Variants in NFATC3 observed in about 807,000 individuals in gnomAD.
The protein encoded by NFATC3 is nuclear factor of activated T cells 3.
NFATC3 carries 46 observed loss-of-function variants against 98.6 expected under a neutral mutation model. That is an observed-to-expected ratio of 0.47 (90% CI 0.37 to 0.60). The LOEUF (loss-of-function observed/expected upper bound fraction) is 0.60, where lower values mean the gene tolerates loss of function less well. NFATC3 is among the 20% of genes least tolerant of loss of function. The probability of loss-of-function intolerance (pLI) is 0.00; values close to 1 mark genes in which losing one functional copy is unlikely to be tolerated. For missense variants in NFATC3, 1,256 were observed against 1,295.5 expected (o/e 0.97, Z 0.47); for synonymous variants, 512 against 472.2 (o/e 1.08, Z -1.09).
intron 1 of NFATC3, among the ~76,000 whole-genome samples, chr16:68,098,961 A>C (rs2035191643): frequency 6.6e-6 from 1 of 152,244 alleles, no homozygotes; most frequent in African/African-American, 2.4e-5. Context: ...AGTTTCTCCC[A>C]ACGATAACAT....
intron 9 of NFATC3, chr16:68,214,363 A>G: frequency 6.2e-7 from 1 of 1,614,230 alleles, no homozygotes; most frequent in Non-Finnish European, 8.5e-7. Flanking sequence ...ACCAGCCATC[A>G]GGTTCAGCAG....
At chr16:68,205,407 A>G (rs1489977356) in intron 9 of NFATC3, among the ~76,000 whole-genome samples, 1 of 151,918 alleles carries the variant, frequency 6.6e-6, no homozygotes, top group East Asian at 1.9e-4. Context: ...CTGCCACCAC[A>G]TCCGGCTAAT....
chr16:68,192,043 C>T, intron 9 of NFATC3: 2 of 309,298 alleles, frequency 6.5e-6, no homozygotes, highest in Non-Finnish European at 1.2e-5. Flanking sequence ...GCTGTCTCTA[C>T]TAAAAATACA....
intron 1 of NFATC3, among the ~76,000 whole-genome samples, chr16:68,106,239 C>G (rs1043565009): frequency 6.6e-6 from 1 of 151,908 alleles, no homozygotes; most frequent in African/African-American, 2.4e-5. Context: ...GTAATACATT[C>G]TAACAAAATC....
chr16:68,215,722 CTTTTT>C (rs35024337), intron 9 of NFATC3, among the ~76,000 whole-genome samples: 5 of 96,038 alleles, frequency 5.2e-5, no homozygotes, highest in Non-Finnish European at 1.0e-4. Context: ...GAGATTTGCA[CTTTTT>C]TTTTTTTTTT....
intron 3 of NFATC3, among the ~76,000 whole-genome samples, chr16:68,133,459 A>G (rs2037221586): frequency 6.6e-6 from 1 of 152,234 alleles, no homozygotes; most frequent in Non-Finnish European, 1.5e-5. Flanking sequence ...ATATATCAAT[A>G]AAGTATACAA....
In NFATC3 at chr16:68,190,816, C is replaced by T. The variant is rs1567541623; in HGVS notation, c.2147C>T (p.Pro716Leu). Residue 716 changes from proline to leucine, a missense_variant, in exon 9 of 10, where the codon CCA becomes CTA. By Grantham distance (98) the Pro-to-Leu change is moderately conservative. This residue lies in a region of NFATC3 where 636 missense variants were observed against 617.3 expected (regional missense o/e 1.03). Coordinates refer to ENST00000346183, the MANE Select transcript of NFATC3 (RefSeq NM_173165.3). ...HREEIDLSSV[P>L]SLPVPHPAQT... is the part of the protein sequence containing the mutation. ...GAAGAGATTGATTTGTCTTCAGTTC[C>T]ATCTTTGCCTGTGCCTCATCCTGCT... is the stretch of plus-strand genomic sequence containing the variant. The T allele has an allele frequency of 6.2e-7, 1 of 1,612,870 alleles. No individual in the cohort carries two copies. Among genetic ancestry groups the T allele is most frequent in the Middle Eastern group, 1.7e-4 (1 of 6,056 alleles).
rs566334892 is a variant in NFATC3, at chr16:68,160,347, C to T, written c.1601+2279C>T. On this transcript the variant is annotated intron_variant, in intron 4 of 9. Coordinates refer to ENST00000346183, the MANE Select transcript of NFATC3 (RefSeq NM_173165.3). The stretch of plus-strand genomic sequence containing the variant: ...TGGGCATAGTTGTCCTGTCTGTAGT[C>T]CCAGCTGCTCAGGAGGCTGAGGCTT... Among the ~76,000 whole-genome samples, 7 of 152,060 alleles carry T rather than the reference C, an allele frequency of 4.6e-5. No individual in the cohort carries two copies. In the South Asian group the frequency reaches 1.2e-3, roughly 27 times the overall value.
At chr16:68,136,725 A>G (rs1025748503) in intron 3 of NFATC3, among the ~76,000 whole-genome samples, 4 of 152,112 alleles carry the variant, frequency 2.6e-5, no homozygotes, top group Non-Finnish European at 5.9e-5. Context: ...ACAAACCTAG[A>G]TGGTATACCC....
At chr16:68,135,828 C>G (rs928338108) in intron 3 of NFATC3, among the ~76,000 whole-genome samples, 1 of 151,938 alleles carries the variant, frequency 6.6e-6, no homozygotes, top group African/African-American at 2.4e-5. Context: ...TTTGGGAGGC[C>G]GAGGCAGGTG....
intron 5 of NFATC3, 57 bp from the exon 6 acceptor site, chr16:68,174,316 CA>C (rs2039593826): frequency 7.8e-7 from 1 of 1,279,768 alleles, no homozygotes; most frequent in Non-Finnish European, 1.0e-6. Flanking sequence ...ATTTATGTAT[CA>C]AAGATTTTTA....
At chr16:68,140,578 A>G (rs1208043043) in intron 3 of NFATC3, among the ~76,000 whole-genome samples, 1 of 152,230 alleles carries the variant, frequency 6.6e-6, no homozygotes, top group Non-Finnish European at 1.5e-5. Context: ...GCAACTGGAT[A>G]TCCGTAGGCA....
intron 1 of NFATC3, among the ~76,000 whole-genome samples, chr16:68,104,388 T>C (rs756633525): frequency 2.0e-5 from 3 of 152,216 alleles, no homozygotes; most frequent in African/African-American, 4.8e-5. Flanking sequence ...CCTGCACCTT[T>C]AATGAATTCA....
chr16:68,179,125 C>T (rs557448519), intron 6 of NFATC3, among the ~76,000 whole-genome samples: 51 of 152,280 alleles, frequency 3.3e-4, no homozygotes, highest in African/African-American at 1.2e-3. Flanking sequence ...ACCCTTTCCT[C>T]ATATTATGAG....
rs899176239 is a variant in NFATC3, at chr16:68,228,105, G to A, written c.*1634G>A. The A allele has an allele frequency of 1.3e-5, 2 of 152,136 alleles. No individual in the cohort carries two copies. The highest frequency in any genetic ancestry group is 2.9e-5 in the Non-Finnish European group (2 of 68,036). The allele number at this position is 152,136 out of a possible 1,614,324, so 9.4% of individuals were successfully genotyped here. A position where few individuals can be genotyped will look rare whatever the true frequency, so the allele number is the denominator to read the frequency against. On this transcript the variant is annotated 3_prime_UTR_variant, in exon 10 of 10. Coordinates refer to ENST00000346183, the MANE Select transcript of NFATC3 (RefSeq NM_173165.3). ...ACCTGTTGTCAGTAGGTTAGGAGCTGTTGACTCAGGATGAGGAAGTATGGT... is the reference window on the plus strand; with the variant it reads ...ACCTGTTGTCAGTAGGTTAGGAGCTATTGACTCAGGATGAGGAAGTATGGT...
At chr16:68,172,029 T>G (rs921641789) in intron 5 of NFATC3, among the ~76,000 whole-genome samples, 1 of 151,790 alleles carries the variant, frequency 6.6e-6, no homozygotes, top group Admixed American at 6.6e-5. Flanking sequence ...ACAGCAAAAG[T>G]GTGTTCAGGT....
Position 68,154,576 on chromosome 16 carries a change from A to T in NFATC3, c.1402-3293A>T, listed in dbSNP as rs182329948. On this transcript the variant is annotated intron_variant, in intron 3 of 9. Coordinates refer to ENST00000346183, the MANE Select transcript of NFATC3 (RefSeq NM_173165.3). ...AGTATAGGATGTAGACAAGCACAAG[A>T]TAAGGAGACTCAGATATTATATTTT... 1.8e-4 allele frequency among the ~76,000 whole-genome samples: 27 copies of T among 152,338 alleles called. No individual in the cohort carries two copies. In the East Asian group the frequency reaches 2.9e-3, roughly 16 times the overall value.
rs1209449196 is a variant in NFATC3, at chr16:68,183,335, A to G, written c.2067A>G (p.Lys689=). The part of the protein sequence containing the change: ...HFYLCNGKRK[K]SQSQRFTYTP... ...ATCTTTGCAATGGCAAGAGGAAAAA[A>G]AGCCAGTCTCAACGTTTTACTTATA... Residue 689 remains lysine (K), a synonymous_variant, in exon 8 of 10, where the codon AAA becomes AAG. Coordinates refer to ENST00000346183, the MANE Select transcript of NFATC3 (RefSeq NM_173165.3). 1 of 1,613,758 alleles carries G rather than the reference A, an allele frequency of 6.2e-7. No homozygotes were observed. Among genetic ancestry groups the G allele is most frequent in the African/African-American group, 1.3e-5 (1 of 75,044 alleles).
At chr16:68,089,281 A>C in intron 1 of NFATC3, 1 of 985,268 alleles carries the variant, frequency 1.0e-6, no homozygotes, top group Non-Finnish European at 1.2e-6. Flanking sequence ...AGTGCTAATT[A>C]GATGATGTGA....
Sources: allele counts gnomAD v4.1 joint callset (sites outside exome capture counted in the v4.1 genomes callset), GRCh38; gene constraint gnomAD v4.1.1; regional missense constraint gnomAD v4.1.1; transcripts MANE v1.5; gene names NCBI Gene and HGNC (gene_info 2026-07-23, HGNC 2026-07-21).